UBR3: variants seen among roughly 807,000 people sequenced by gnomAD.
UBR3 encodes ubiquitin protein ligase E3 component n-recognin 3, also known as E3 ubiquitin-protein ligase UBR3.
A neutral mutation model predicts 243.2 loss-of-function variants in UBR3; 85 were observed. The observed-to-expected ratio is 0.35, with a 90% confidence interval of 0.29 to 0.42. UBR3 has a LOEUF of 0.42. Among genes scored for constraint, UBR3 ranks in the 10% least tolerant of loss-of-function variants. The probability of loss-of-function intolerance (pLI) is 1.00; values close to 1 mark genes in which losing one functional copy is unlikely to be tolerated. For missense variants in UBR3, 1,686 were observed against 2,300.8 expected (o/e 0.73, Z 5.47); for synonymous variants, 748 against 799.8 (o/e 0.94, Z 1.09).
At chr2:169,876,883 C>T (rs536204382) in intron 3 of UBR3, among the ~76,000 whole-genome samples, 3 of 152,122 alleles carry the variant, frequency 2.0e-5, no homozygotes, top group South Asian at 2.1e-4. Flanking sequence ...TTTCTTTAAA[C>T]GCAAGGCTGA....
At chr2:170,035,694 A>C (rs955662894) in intron 31 of UBR3, among the ~76,000 whole-genome samples, 13 of 151,936 alleles carry the variant, frequency 8.6e-5, no homozygotes, top group African/African-American at 3.1e-4. Flanking sequence ...AACATCTACA[A>C]AATAACTTGC....
chr2:169,831,594 T>A (rs1367251552), intron 1 of UBR3, among the ~76,000 whole-genome samples: 1 of 152,184 alleles, frequency 6.6e-6, no homozygotes, highest in African/African-American at 2.4e-5. Context: ...TACTCTGAAT[T>A]TTTTCTAACT....
chr2:169,897,827 C>G (rs2084650220), intron 8 of UBR3, among the ~76,000 whole-genome samples: 1 of 152,054 alleles, frequency 6.6e-6, no homozygotes, highest in African/African-American at 2.4e-5. Context: ...TAAATATTTG[C>G]TATGTACCTG....
At position 170,019,349 on chromosome 2, in the gene UBR3, G is replaced by C. The variant is rs1473580650; in HGVS notation, c.4453+3983G>C. Among the ~76,000 whole-genome samples the C allele has an allele frequency of 2.0e-5, 3 of 152,168 alleles. No homozygotes were observed. The South Asian group carries it at 6.2e-4, about 32-fold the overall frequency. On this transcript the variant is annotated intron_variant, in intron 30 of 38. Transcript: ENST00000272793. ...AGATCTGTGCAGGCAACTTAAAATAGTTCTACTTGCTCAAAGAGTGAATTT... is the reference window on the plus strand; with the variant it reads ...AGATCTGTGCAGGCAACTTAAAATACTTCTACTTGCTCAAAGAGTGAATTT...
rs2085925531 is a variant in UBR3, at chr2:169,926,758, TA to T, written c.2204+15del. The stretch of plus-strand genomic sequence containing the variant: ...CGTCTTTGAAAGGTAGGCATAATTT[TA>T]TTAAGACAGGTATTAGGAAGTGTCC... On this transcript the variant is annotated intron_variant, in intron 15 of 38. Transcript: ENST00000272793. 1 of 1,548,920 alleles carries T rather than the reference TA, an allele frequency of 6.5e-7. No homozygotes were observed. Among genetic ancestry groups the T allele is most frequent in the Non-Finnish European group, 8.7e-7 (1 of 1,145,880 alleles).
intron 1 of UBR3, among the ~76,000 whole-genome samples, chr2:169,852,300 T>C (rs1382613709): frequency 2.6e-5 from 4 of 152,158 alleles, no homozygotes; most frequent in Non-Finnish European, 5.9e-5. Context: ...ATTTGATAAA[T>C]GAGATTAGGT....
chr2:169,869,192 TCTGGTGATGCTAAGATTGATAAGG>T (rs2083354322), intron 1 of UBR3, among the ~76,000 whole-genome samples: 1 of 150,806 alleles, frequency 6.6e-6, no homozygotes. Context: ...TGTTTAAACT[TCTGGTGATGCTAAGATTGATAAGG>T]TTTTTTTTTT....
chr2:170,050,814 T>A (rs1261371967), intron 32 of UBR3, among the ~76,000 whole-genome samples: 1 of 152,190 alleles, frequency 6.6e-6, no homozygotes, highest in Non-Finnish European at 1.5e-5. Context: ...ATTCAATAAA[T>A]AAACATCTGT....
chr2:169,927,519 A>G (rs1574220408), intron 17 of UBR3, 114 bp downstream of exon 17: 1 of 811,996 alleles, frequency 1.2e-6, no homozygotes, highest in East Asian at 2.9e-5. Flanking sequence ...GAAAAATAAT[A>G]TAGAAAAAGA....
At chr2:170,060,075 A>G (rs2091427378) in intron 33 of UBR3, among the ~76,000 whole-genome samples, 1 of 152,188 alleles carries the variant, frequency 6.6e-6, no homozygotes, top group Non-Finnish European at 1.5e-5. Flanking sequence ...CCAAACTATC[A>G]GTGCCTTAAA....
At chr2:170,040,136 T>C (rs1309344215) in intron 31 of UBR3, among the ~76,000 whole-genome samples, 3 of 152,178 alleles carry the variant, frequency 2.0e-5, no homozygotes, top group Non-Finnish European at 4.4e-5. Flanking sequence ...AGTTGAAACA[T>C]TTTATTTTAT....
chr2:170,017,421 C>T (rs977279014), intron 30 of UBR3, among the ~76,000 whole-genome samples: 1 of 151,890 alleles, frequency 6.6e-6, no homozygotes, highest in African/African-American at 2.4e-5. Flanking sequence ...AAATACTGTT[C>T]TGTTACGACT....
At chr2:169,998,205 T>A (rs896304606) in intron 26 of UBR3, among the ~76,000 whole-genome samples, 1 of 152,248 alleles carries the variant, frequency 6.6e-6, no homozygotes. Context: ...GAAAACTTTT[T>A]AAAAATTCAA....
At chr2:169,850,410 G>C (rs13035393) in intron 1 of UBR3, among the ~76,000 whole-genome samples, 70,913 of 151,894 alleles carry the variant, frequency 0.47, 18,497 homozygotes, top group Non-Finnish European at 0.6. Context: ...AACTCCTTGA[G>C]TCAAGGGATC....
intron 18 of UBR3, among the ~76,000 whole-genome samples, chr2:169,929,984 C>T (rs183903728): frequency 6.6e-6 from 1 of 152,130 alleles, no homozygotes; most frequent in South Asian, 2.1e-4. Flanking sequence ...AATCCAGTCT[C>T]TGGTTGGAAA....
chr2:170,069,826 A>C (rs908296429), intron 35 of UBR3, among the ~76,000 whole-genome samples: 2 of 151,996 alleles, frequency 1.3e-5, no homozygotes, highest in African/African-American at 4.8e-5. Context: ...TTCCCCCCCC[A>C]GATACTAAGA....
intron 35 of UBR3, 131 bp from the exon 36 acceptor site, chr2:170,073,297 A>G (rs1023868646): frequency 6.2e-6 from 6 of 966,586 alleles, no homozygotes; most frequent in Non-Finnish European, 7.8e-6. Flanking sequence ...TACTCCCTTC[A>G]CTTTTTTTCA....
intron 24 of UBR3, among the ~76,000 whole-genome samples, chr2:169,961,270 A>T (rs1454582830): frequency 2.0e-5 from 3 of 152,088 alleles, no homozygotes; most frequent in Admixed American, 1.3e-4. Context: ...TGGGATTGAT[A>T]ATAGAGATTC....
rs192358006 is a variant in UBR3, at chr2:170,008,485, A to G, written c.4231-319A>G. On this transcript the variant is annotated intron_variant, in intron 28 of 38. Coordinates refer to ENST00000272793, the MANE Select transcript of UBR3 (RefSeq NM_172070.4). ...AACTTAAATGAAAGTCAGGTTTTTTATAGACATGGAAACTTTGTTCTAACA... is the reference window on the plus strand; with the variant it reads ...AACTTAAATGAAAGTCAGGTTTTTTGTAGACATGGAAACTTTGTTCTAACA... Among the ~76,000 whole-genome samples, 267 of 152,268 alleles carry G rather than the reference A, an allele frequency of 1.8e-3. 1 individual carries two copies. The highest frequency in any genetic ancestry group is 6.3e-3 in the African/African-American group (262 of 41,574).
Sources: gnomAD v4.1 joint callset for allele counts (sites outside exome capture counted in the v4.1 genomes callset) on GRCh38, gnomAD v4.1.1 for gene constraint, MANE v1.5 for transcripts, NCBI Gene and HGNC (gene_info 2026-07-23, HGNC 2026-07-21) for gene names.